TTC39A: variants seen among roughly 807,000 people sequenced by gnomAD.
TTC39A encodes the protein tetratricopeptide repeat protein 39A.
In TTC39A, 46 loss-of-function variants were observed where a neutral mutation model predicts 82.3. The observed-to-expected ratio is 0.56, with a 90% CI of 0.44 to 0.71. TTC39A has a LOEUF of 0.71. Ranked by LOEUF, TTC39A falls within the 30% of genes least tolerant of loss-of-function variation. The pLI, the probability that TTC39A is intolerant of heterozygous loss-of-function variation, is 0.00. For missense variants in TTC39A, 543 were observed against 712.9 expected (o/e 0.76, Z 2.71); for synonymous variants, 254 against 275.2 (o/e 0.92, Z 0.76).
chr1:51,290,909 T>C (rs1483870797), intron 14 of TTC39A, among the ~76,000 whole-genome samples: 1 of 152,194 alleles, frequency 6.6e-6, no homozygotes, highest in Admixed American at 6.5e-5. Context: ...CCAGCTATTT[T>C]CCTGCTCATG....
At chr1:51,307,232 G>A (rs1644905288) in intron 6 of TTC39A, among the ~76,000 whole-genome samples, 1 of 152,160 alleles carries the variant, frequency 6.6e-6, no homozygotes, top group South Asian at 2.1e-4. Context: ...GCCTGACAAG[G>A]TGTGTGCTTT....
intron 4 of TTC39A, among the ~76,000 whole-genome samples, 186 bp downstream of exon 4, chr1:51,311,933 C>T (rs546178775): frequency 6.6e-6 from 1 of 152,380 alleles, no homozygotes; most frequent in East Asian, 1.9e-4. Context: ...TGGGTCTCAC[C>T]TGCCCCCCAC....
chr1:51,299,308 G>A (rs1255047015), intron 12 of TTC39A: 1 of 152,218 alleles, frequency 6.6e-6, no homozygotes, highest in Non-Finnish European at 1.5e-5. Context: ...TGCTGACTCT[G>A]GCAGGGGTCC....
chr1:51,289,647 T>G (rs1644126832), intron 16 of TTC39A, among the ~76,000 whole-genome samples: 1 of 152,202 alleles, frequency 6.6e-6, no homozygotes, highest in Admixed American at 6.5e-5. Flanking sequence ...CGCTTTCCTT[T>G]AGCATGGCCC....
intron 2 of TTC39A, among the ~76,000 whole-genome samples, chr1:51,317,018 C>T (rs1645310073): frequency 6.6e-6 from 1 of 152,152 alleles, no homozygotes; most frequent in Non-Finnish European, 1.5e-5. Context: ...AGAGACAGTG[C>T]GTCAGGTCAG....
At chr1:51,329,851 G>C (rs1645840431) in intron 1 of TTC39A, 1 of 152,366 alleles carries the variant, frequency 6.6e-6, no homozygotes, top group Admixed American at 6.5e-5. Context: ...TGTGGGTAGG[G>C]TTGGGCAGGA....
Position 51,330,200 on chromosome 1 carries a change from T to G in TTC39A, c.41+237A>C. 2 of 985,504 alleles carry G rather than the reference T, an allele frequency of 2.0e-6. No homozygotes were observed. The highest frequency in any genetic ancestry group is 2.4e-6 in the Non-Finnish European group (2 of 830,072). The allele number at this position is 985,504 out of a possible 1,614,324, so 61.0% of individuals were successfully genotyped here. A position where few individuals can be genotyped will look rare whatever the true frequency, so the allele number is the denominator to read the frequency against. ...CTGTGACTACAGCTCCGTGAGAAAG[T>G]TGGGACCCAGAAGGTGAGTGACCGA... On this transcript the variant is annotated intron_variant, in intron 1 of 17. Transcript: ENST00000680483. The surrounding 1 kb of genome is among the most constrained non-coding windows in gnomAD (Gnocchi z 4.5).
At position 51,294,250 on chromosome 1, in the gene TTC39A, C is replaced by T; in HGVS notation, c.1266+141G>A. On this transcript the variant is annotated intron_variant, in intron 14 of 17. Coordinates refer to ENST00000680483, the MANE Select transcript of TTC39A (RefSeq NM_001297663.2). This position sits in a 1 kb window ranked among gnomAD's most constrained non-coding sequence, Gnocchi z 4.3. The stretch of plus-strand genomic sequence containing the variant: ...AAGGGGCAGGGGCTGGGCCAGACTC[C>T]CAGGTGAATTGTGAAACCCTCCCCA... 1 of 1,370,924 alleles carries T rather than the reference C, an allele frequency of 7.3e-7. No homozygotes were observed. Among genetic ancestry groups the T allele is most frequent in the Non-Finnish European group, 9.8e-7 (1 of 1,019,466 alleles). 84.9% of individuals were successfully genotyped at this position (1,370,924 alleles called of 1,614,324 possible).
exon 1 of TTC39A, chr1:51,345,019 C>T: frequency 6.6e-7 from 1 of 1,521,440 alleles, no homozygotes; most frequent in Non-Finnish European, 8.8e-7. Flanking sequence ...GAGGCCGCCT[C>T]CTTCCAGGTG....
rs1402020186 is a variant in TTC39A, at chr1:51,312,928, C to T, written c.162G>A (p.Met54Ile). Residue 54 changes from methionine (M) to isoleucine (I), a missense_variant, in exon 3 of 18, where the codon ATG (methionine) becomes ATA (isoleucine). Physicochemically the swap from Met to Ile is conservative, Grantham distance 10. Transcript: ENST00000680483. ...SYLKPRTKES[M>I]YHSLTYATIL... ...TGGTGGCATATGTCAGTGAGTGGTA[C>T]ATGCTTTCCTTGGTTCTGCCAAAGA... 2 of 1,613,656 alleles carry T rather than the reference C, an allele frequency of 1.2e-6. No individual in the cohort carries two copies. The highest frequency in any genetic ancestry group is 1.1e-5 in the South Asian group (1 of 91,068).
chr1:51,288,417 T>C lies in TTC39A; in HGVS notation c.1611-137A>G, dbSNP rs1463597715. On this transcript the variant is annotated intron_variant, in intron 17 of 17. Transcript: ENST00000680483. This position sits in a 1 kb window ranked among gnomAD's most constrained non-coding sequence, Gnocchi z 4.8. ...AATGTGTCCAGAGAGAGTTGAGCCCTACCCAATGGGAGAGTTAACCAGAAG... is the reference window on the plus strand; with the variant it reads ...AATGTGTCCAGAGAGAGTTGAGCCCCACCCAATGGGAGAGTTAACCAGAAG... 16 of 1,406,096 alleles carry C rather than the reference T, an allele frequency of 1.1e-5. No homozygotes were observed. Among genetic ancestry groups the C allele is most frequent in the Non-Finnish European group, 1.4e-5 (15 of 1,041,200 alleles). The allele number at this position is 1,406,096 out of a possible 1,614,324, so 87.1% of individuals were successfully genotyped here.
intron 1 of TTC39A, among the ~76,000 whole-genome samples, chr1:51,338,769 A>T (rs1361569403): frequency 6.6e-6 from 1 of 151,606 alleles, no homozygotes; most frequent in Admixed American, 6.6e-5. Context: ...AGCCCGGCTA[A>T]TTTTTGTATT....
In TTC39A at chr1:51,329,928, G is replaced by A. The variant is rs116378978; in HGVS notation, c.41+509C>T. 1,177 of 164,242 alleles carry A rather than the reference G, an allele frequency of 7.2e-3. 12 individuals are homozygous for A. The highest frequency in any genetic ancestry group is 0.017 in the African/African-American group (695 of 41,724). 10.2% of individuals were successfully genotyped at this position (164,242 alleles called of 1,614,324 possible). ...GGTTCCTGCTGCACCCAATGGGCCCGGCTGGCCCATACCTTAGCTGTTTAA... is the reference window on the plus strand; with the variant it reads ...GGTTCCTGCTGCACCCAATGGGCCCAGCTGGCCCATACCTTAGCTGTTTAA... On this transcript the variant is annotated intron_variant, in intron 1 of 17. Transcript: ENST00000680483.
Position 51,321,686 on chromosome 1 carries a change from C to T in TTC39A, c.146+35G>A. On this transcript the variant is annotated intron_variant, in intron 2 of 17. Transcript: ENST00000680483. The surrounding 1 kb of genome is among the most constrained non-coding windows in gnomAD (Gnocchi z 4.6). ...CCTCTGGTTCTCCCTGACCGTCATG[C>T]ACACCCCCTACCCCAACCGGGGCTT... 6.3e-7 allele frequency: 1 copy of T among 1,599,316 alleles called. No homozygotes were observed. Among genetic ancestry groups the T allele is most frequent in the Non-Finnish European group, 8.6e-7 (1 of 1,169,300 alleles).
intron 12 of TTC39A, chr1:51,297,735 G>A (rs930976494): frequency 6.6e-6 from 1 of 152,316 alleles, no homozygotes; most frequent in African/African-American, 2.4e-5. Context: ...GGTACACATT[G>A]TCTCCTATCT....
intron 14 of TTC39A, among the ~76,000 whole-genome samples, chr1:51,293,832 C>G (rs1644311046): frequency 6.6e-6 from 1 of 152,218 alleles, no homozygotes; most frequent in African/African-American, 2.4e-5. Context: ...GTTATTTGAT[C>G]TTTCTACTAA....
chr1:51,310,420 A>G (rs796214502), intron 5 of TTC39A, among the ~76,000 whole-genome samples: 6 of 152,294 alleles, frequency 3.9e-5, no homozygotes, highest in African/African-American at 9.6e-5. Context: ...AATTTAATAA[A>G]TAAAACAAAA....
Position 51,303,085 on chromosome 1 carries a change from G to A in TTC39A, c.762C>T (p.Leu254=), listed in dbSNP as rs1310704061. The change falls in exon 9 of 18, where the codon CTC becomes CTT. Residue 254 remains leucine (L), a splice_region_variant and synonymous_variant. Coordinates refer to ENST00000680483, the MANE Select transcript of TTC39A (RefSeq NM_001297663.2). ...LCYHTFLTFV[L]GTGNVNIEEA... is the part of the protein sequence containing the mutation. ...CCCCAGGTCCCCCTGTACACCTACC[G>A]AGCACGAAGGTGAGGAAGGTGTGGT... 11 of 1,589,390 alleles carry A rather than the reference G, an allele frequency of 6.9e-6. No individual in the cohort carries two copies. Among genetic ancestry groups the A allele is most frequent in the Admixed American group, 3.6e-5 (2 of 56,252 alleles).
Position 51,294,316 on chromosome 1 carries a change from C to G in TTC39A, c.1266+75G>C. Reference sequence around the variant, plus strand: ...AAGGTCTTTCTCCTCATCCACCTCCCCCTGGCTGTGGCTCTCAGTGAATCC... The same window carrying G: ...AAGGTCTTTCTCCTCATCCACCTCCGCCTGGCTGTGGCTCTCAGTGAATCC... On this transcript the variant is annotated intron_variant, in intron 14 of 17. Coordinates refer to ENST00000680483, the MANE Select transcript of TTC39A (RefSeq NM_001297663.2). The surrounding 1 kb of genome is among the most constrained non-coding windows in gnomAD (Gnocchi z 4.3). The G allele has an allele frequency of 6.2e-7, 1 of 1,602,608 alleles. No homozygotes were observed. The highest frequency in any genetic ancestry group is 1.7e-5 in the Admixed American group (1 of 59,600).
Sources: gnomAD v4.1 joint callset for allele counts (sites outside exome capture counted in the v4.1 genomes callset) on GRCh38, gnomAD v4.1.1 for gene constraint, Gnocchi (gnomAD v3.1) non-coding constraint, MANE v1.5 for transcripts, NCBI Gene and HGNC (gene_info 2026-07-23, HGNC 2026-07-21) for gene names.